The following CASK variants were observed in gnomAD, a reference collection of about 807,000 sequenced individuals.
CASK encodes the protein calcium/calmodulin dependent serine protein kinase.
In CASK, 4 loss-of-function variants were observed where a neutral mutation model predicts 82.9. That is an observed-to-expected ratio of 0.05 (90% CI 0.02 to 0.11). The LOEUF (loss-of-function observed/expected upper bound fraction) is 0.11, where lower values mean the gene tolerates loss of function less well. Ranked by LOEUF, CASK falls within the 10% of genes least tolerant of loss-of-function variation. The pLI is 1.00. For synonymous variants in CASK, 259 were observed against 253.5 expected (o/e 1.02, Z -0.20); for missense variants, 358 against 720.9 (o/e 0.50, Z 5.76).
intron 1 of CASK, among the ~76,000 whole-genome samples, chrX:41,912,536 G>C (rs767779018): frequency 9.3e-6 from 1 of 107,944 alleles, no homozygotes; most frequent in South Asian, 4.1e-4. Flanking sequence ...TCAAACTCCT[G>C]ACCTCAAGTG....
At chrX:41,664,722 CTAGT>C (rs781269073) in intron 7 of CASK, among the ~76,000 whole-genome samples, 2 of 112,214 alleles carry the variant, frequency 1.8e-5, no homozygotes, top group South Asian at 3.7e-4. Flanking sequence ...CAATTTTTTA[CTAGT>C]TAAAGTAATG....
chrX:41,686,567 G>A (rs1456527755), intron 5 of CASK, among the ~76,000 whole-genome samples: 1 of 111,308 alleles, frequency 9.0e-6, no homozygotes, highest in Non-Finnish European at 1.9e-5. Context: ...AAGCTTCTGA[G>A]TGGTGTTGAC....
At chrX:41,881,386 T>C (rs1225918613) in intron 1 of CASK, among the ~76,000 whole-genome samples, 1 of 111,671 alleles carries the variant, frequency 9.0e-6, no homozygotes, top group Non-Finnish European at 1.9e-5. Context: ...TCCCTTTTTA[T>C]ACTGTTGCAG....
intron 3 of CASK, among the ~76,000 whole-genome samples, chrX:41,782,223 T>C (rs762550514): frequency 1.8e-5 from 2 of 112,144 alleles, no homozygotes; most frequent in Non-Finnish European, 3.8e-5. Flanking sequence ...TTGATAACTA[T>C]TGAAGCTTGG....
rs764194945 is a variant in CASK at position 41,578,424 on chromosome X, T to C, written c.1419A>G (p.Pro473=). The change falls in exon 15 of 27, where the codon CCA becomes CCG. Residue 473 remains proline, a synonymous_variant. Transcript: ENST00000378163. Reference sequence around the variant, plus strand: ...TATCCATGTCTCCGTTAGCACTTTCTGGAGAATCGCCGTTTAAATAGGGAG... The same window carrying C: ...TATCCATGTCTCCGTTAGCACTTTCCGGAGAATCGCCGTTTAAATAGGGAG... The part of the protein sequence containing the change: ...PTSPYLNGDS[P]ESANGDMDME... 2.5e-6 allele frequency: 3 copies of C among 1,205,175 alleles called. No homozygotes were observed. In the Admixed American group the frequency reaches 6.5e-5, roughly 26 times the overall value.
intron 13 of CASK, chrX:41,587,872 T>C (rs2065680215): frequency 8.9e-6 from 1 of 111,976 alleles, no homozygotes; most frequent in Admixed American, 9.5e-5. Flanking sequence ...AGGTTTGCAT[T>C]ACACTCAACT....
Position 41,634,468 on chromosome X carries a change from C to T in CASK, c.915+2110G>A, listed in dbSNP as rs189955912. On this transcript the variant is annotated intron_variant, in intron 9 of 26. Coordinates refer to ENST00000378163, the MANE Select transcript of CASK (RefSeq NM_001367721.1). ...GGGGATGTGGTAAATCCACATGACC[C>T]CTCTCTGTTTTGACAGCTTGGCCCT... Among the ~76,000 whole-genome samples, 492 of 112,547 alleles carry T rather than the reference C, an allele frequency of 4.4e-3. 3 individuals carry two copies. The highest frequency in any genetic ancestry group is 6.9e-3 in the Non-Finnish European group (370 of 53,325).
chrX:41,636,515 T>C (rs1039208081), intron 9 of CASK, 63 bp downstream of exon 9: 2 of 725,658 alleles, frequency 2.8e-6, no homozygotes, highest in Admixed American at 2.2e-5. Flanking sequence ...GGCACCAAAA[T>C]AGAATAAAAA....
intron 24 of CASK, among the ~76,000 whole-genome samples, chrX:41,531,470 C>A (rs2064802924): frequency 8.9e-6 from 1 of 111,887 alleles, no homozygotes; most frequent in South Asian, 3.8e-4. Context: ...TGTATTTTAT[C>A]CCTTCATGAA....
chrX:41,798,995 T>C (rs2069930891), intron 2 of CASK, among the ~76,000 whole-genome samples: 1 of 112,108 alleles, frequency 8.9e-6, no homozygotes, highest in African/African-American at 3.2e-5. Flanking sequence ...AATGACTCAA[T>C]TCTGAAGATG....
chrX:41,888,740 TAC>T (rs761807260), intron 1 of CASK, among the ~76,000 whole-genome samples: 2 of 101,914 alleles, frequency 2.0e-5, no homozygotes, highest in Non-Finnish European at 4.0e-5. Flanking sequence ...TGTATATATA[TAC>T]ATATATATGT....
chrX:41,884,971 T>C (rs1490121946), intron 1 of CASK, among the ~76,000 whole-genome samples: 1 of 112,331 alleles, frequency 8.9e-6, no homozygotes, highest in Non-Finnish European at 1.9e-5. Flanking sequence ...CTGTTCCACA[T>C]TGCCAAATTC....
At chrX:41,621,819 A>G (rs918208108) in intron 11 of CASK, among the ~76,000 whole-genome samples, 3 of 112,311 alleles carry the variant, frequency 2.7e-5, no homozygotes, top group Non-Finnish European at 5.6e-5. Context: ...TCTTTGAGGT[A>G]AAGGTTTATT....
intron 3 of CASK, among the ~76,000 whole-genome samples, chrX:41,770,641 A>C (rs2069228296): frequency 9.0e-6 from 1 of 111,292 alleles, no homozygotes; most frequent in Non-Finnish European, 1.9e-5. Context: ...TGCCTGCCTC[A>C]GCCTCCCAAA....
At chrX:41,897,722 TCA>T (rs2072294354) in intron 1 of CASK, among the ~76,000 whole-genome samples, 1 of 111,155 alleles carries the variant, frequency 9.0e-6, no homozygotes, top group Non-Finnish European at 1.9e-5. Context: ...TTTGTTAAGG[TCA>T]CACAGTAATA....
intron 2 of CASK, among the ~76,000 whole-genome samples, chrX:41,801,017 T>A (rs2069986980): frequency 9.0e-6 from 1 of 111,531 alleles, no homozygotes; most frequent in African/African-American, 3.3e-5. Flanking sequence ...TAAAAAAGAA[T>A]AACCCTGGAG....
chrX:41,921,480 A>C (rs547657638), intron 1 of CASK, among the ~76,000 whole-genome samples: 7 of 112,554 alleles, frequency 6.2e-5, no homozygotes, highest in African/African-American at 1.3e-4. Flanking sequence ...TTTTTATTAA[A>C]TGTGGCTACT....
intron 16 of CASK, among the ~76,000 whole-genome samples, chrX:41,564,971 C>A (rs1157941431): frequency 8.9e-6 from 1 of 111,922 alleles, no homozygotes; most frequent in African/African-American, 3.2e-5. Context: ...GAACAACTTG[C>A]TCCTGATTGA....
intron 13 of CASK, among the ~76,000 whole-genome samples, chrX:41,588,706 A>C (rs753975486): frequency 9.1e-6 from 1 of 110,069 alleles, no homozygotes; most frequent in East Asian, 2.8e-4. Context: ...TAAAAGAAAA[A>C]TGTTTATTTG....
Sources: gnomAD v4.1 joint callset for allele counts (sites outside exome capture counted in the v4.1 genomes callset) on GRCh38, gnomAD v4.1.1 for gene constraint, MANE v1.5 for transcripts, NCBI Gene and HGNC (gene_info 2026-07-23, HGNC 2026-07-21) for gene names.